Variants in RORA observed in about 807,000 individuals in gnomAD.
RORA encodes RAR related orphan receptor A, also known as nuclear receptor ROR-alpha.
In RORA, 7 loss-of-function variants were observed where a neutral mutation model predicts 69.5. That is an observed-to-expected ratio of 0.10 (90% CI 0.06 to 0.19). The LOEUF is 0.19. Among genes scored for constraint, RORA ranks in the 10% least tolerant of loss-of-function variants. The probability of loss-of-function intolerance (pLI) is 1.00; values close to 1 mark genes in which losing one functional copy is unlikely to be tolerated. For synonymous variants in RORA, 261 were observed against 240.8 expected, an observed-to-expected ratio of 1.08 and a Z score of -0.78; for missense variants, 457 against 663.0, an observed-to-expected ratio of 0.69 and a Z score of 3.41.
At chr15:60,696,907 G>A (rs766660537) in intron 1 of RORA, among the ~76,000 whole-genome samples, 6 of 152,112 alleles carry the variant, frequency 3.9e-5, no homozygotes, top group East Asian at 1.9e-4. Context: ...TTATATTCTC[G>A]GAGGACACAG....
chr15:60,988,870 T>G (rs1240020106), intron 1 of RORA, among the ~76,000 whole-genome samples: 1 of 151,450 alleles, frequency 6.6e-6, no homozygotes, highest in Non-Finnish European at 1.5e-5. Context: ...ACTACTATGA[T>G]CTCACTGTCT....
intron 1 of RORA, among the ~76,000 whole-genome samples, chr15:60,975,531 G>A (rs1893850418): frequency 1.3e-5 from 2 of 152,102 alleles, no homozygotes; most frequent in Admixed American, 1.3e-4. Context: ...TCACTCTGGA[G>A]AACACTGAAA....
chr15:60,548,794 T>G (rs911742232), intron 2 of RORA, among the ~76,000 whole-genome samples: 1 of 152,026 alleles, frequency 6.6e-6, no homozygotes, highest in East Asian at 1.9e-4. Context: ...CCCACCACCA[T>G]GCCTGGCTAA....
At chr15:61,219,850 A>G (rs1380151299) in intron 1 of RORA, among the ~76,000 whole-genome samples, 3 of 152,212 alleles carry the variant, frequency 2.0e-5, no homozygotes, top group Non-Finnish European at 4.4e-5. Context: ...TGAGTATCAC[A>G]TATTTAACAT....
chr15:61,200,343 C>T (rs145552532), intron 1 of RORA, among the ~76,000 whole-genome samples: 1 of 152,122 alleles, frequency 6.6e-6, no homozygotes, highest in East Asian at 1.9e-4. Flanking sequence ...GAGAGGCCAT[C>T]CAGGGCAGGC....
chr15:61,118,899 C>T (rs2079074544), intron 1 of RORA, among the ~76,000 whole-genome samples: 1 of 152,094 alleles, frequency 6.6e-6, no homozygotes, highest in South Asian at 2.1e-4. Context: ...TTCCTCTTGT[C>T]ATGTGAAACA....
chr15:60,736,340 C>T (rs552439571), intron 1 of RORA, among the ~76,000 whole-genome samples: 14 of 152,178 alleles, frequency 9.2e-5, no homozygotes, highest in African/African-American at 3.1e-4. Context: ...GGAAAATATC[C>T]GAAATACAAC....
chr15:60,734,894 T>C (rs1255131897), intron 1 of RORA, among the ~76,000 whole-genome samples: 1 of 152,236 alleles, frequency 6.6e-6, no homozygotes, highest in Non-Finnish European at 1.5e-5. Context: ...GTTATTTGTT[T>C]CTAGCCTGCT....
intron 1 of RORA, among the ~76,000 whole-genome samples, chr15:60,758,890 T>C (rs998352555): frequency 6.6e-6 from 1 of 152,152 alleles, no homozygotes; most frequent in South Asian, 2.1e-4. Flanking sequence ...TTCTGAAAGA[T>C]TGATAAGAGA....
intron 1 of RORA, among the ~76,000 whole-genome samples, chr15:61,003,926 G>A (rs1004525115): frequency 1.3e-5 from 2 of 151,890 alleles, no homozygotes; most frequent in African/African-American, 2.4e-5. Flanking sequence ...TGGATACACC[G>A]CTGTTTCCCT....
intron 1 of RORA, among the ~76,000 whole-genome samples, chr15:61,143,665 T>C (rs983448464): frequency 1.3e-5 from 2 of 152,166 alleles, no homozygotes; most frequent in Non-Finnish European, 2.9e-5. Flanking sequence ...ATTTCAGATG[T>C]GGGAAAATGG....
chr15:60,867,866 G>A (rs1214148332), intron 1 of RORA, among the ~76,000 whole-genome samples: 1 of 152,042 alleles, frequency 6.6e-6, no homozygotes, highest in Non-Finnish European at 1.5e-5. Context: ...GGAAGTCCAG[G>A]TGAAATACGA....
intron 1 of RORA, among the ~76,000 whole-genome samples, chr15:60,755,271 G>C (rs1455128028): frequency 6.6e-6 from 1 of 151,636 alleles, no homozygotes; most frequent in African/African-American, 2.4e-5. Flanking sequence ...TGCTGAGAAT[G>C]ATGGTTTCCA....
intron 1 of RORA, among the ~76,000 whole-genome samples, chr15:61,228,634 C>T (rs1250578346): frequency 9.9e-5 from 15 of 151,770 alleles, no homozygotes; most frequent in Admixed American, 2.0e-4. Context: ...GGAGGGTGGC[C>T]ATAAACAGAT....
At chr15:60,562,213 G>A (rs912753752) in intron 2 of RORA, among the ~76,000 whole-genome samples, 92 of 152,118 alleles carry the variant, frequency 6.0e-4, no homozygotes, top group African/African-American at 2.1e-3. Context: ...GGGATTATAG[G>A]CATGAGCCAC....
intron 1 of RORA, among the ~76,000 whole-genome samples, chr15:60,769,877 G>C (rs1176437265): frequency 6.6e-6 from 1 of 152,016 alleles, no homozygotes; most frequent in East Asian, 1.9e-4. Context: ...CATTTTCCCT[G>C]TGTATGCTGA....
intron 1 of RORA, among the ~76,000 whole-genome samples, chr15:60,723,383 C>CG (rs569216125): frequency 2.7e-5 from 4 of 150,622 alleles, no homozygotes; most frequent in Non-Finnish European, 4.4e-5. Flanking sequence ...CCATTCCCCC[C>CG]CCCACTCACA....
intron 2 of RORA, among the ~76,000 whole-genome samples, chr15:60,561,006 GTGA>G (rs2067524076): frequency 6.6e-6 from 1 of 150,568 alleles, no homozygotes; most frequent in Non-Finnish European, 1.5e-5. Flanking sequence ...CACGTTGGCA[GTGA>G]TGTTTTAAAA....
At chr15:60,876,787 T>C (rs1238075585) in intron 1 of RORA, among the ~76,000 whole-genome samples, 1 of 152,336 alleles carries the variant, frequency 6.6e-6, no homozygotes, top group South Asian at 2.1e-4. Context: ...CATGAAAACA[T>C]GGCTCTTTCC....
Sources: gnomAD v4.1 joint callset for allele counts (sites outside exome capture counted in the v4.1 genomes callset) on GRCh38, gnomAD v4.1.1 for gene constraint, MANE v1.5 for transcripts, NCBI Gene and HGNC (gene_info 2026-07-23, HGNC 2026-07-21) for gene names.